Variants in PLEKHG1 observed in about 807,000 individuals in gnomAD.
The protein encoded by PLEKHG1 is pleckstrin homology domain-containing family G member 1.
A neutral mutation model predicts 100.8 loss-of-function variants in PLEKHG1; 44 were observed. That is an observed-to-expected ratio of 0.44 (90% CI 0.34 to 0.56). The LOEUF (loss-of-function observed/expected upper bound fraction) is 0.56. Among genes scored for constraint, PLEKHG1 ranks in the 20% least tolerant of loss-of-function variants. PLEKHG1 has a pLI of 0.01. For missense variants in PLEKHG1, 1,545 were observed against 1,720.9 expected (o/e 0.90, Z 1.81); for synonymous variants, 640 against 662.5 (o/e 0.97, Z 0.52).
At chr6:150,781,388 C>T (rs568784472) in intron 3 of PLEKHG1, among the ~76,000 whole-genome samples, 3 of 151,550 alleles carry the variant, frequency 2.0e-5, no homozygotes, top group African/African-American at 7.2e-5. Flanking sequence ...GCCTGTAATC[C>T]CAGCTACTGG....
chr6:150,711,245 C>G (rs1359258131), intron 3 of PLEKHG1, among the ~76,000 whole-genome samples: 1 of 152,130 alleles, frequency 6.6e-6, no homozygotes, highest in African/African-American at 2.4e-5. Flanking sequence ...TAAGTCCGCT[C>G]TACCCTATGC....
At chr6:150,723,639 G>C (rs1781811368) in intron 1 of PLEKHG1, among the ~76,000 whole-genome samples, 1 of 152,132 alleles carries the variant, frequency 6.6e-6, no homozygotes, top group African/African-American at 2.4e-5. Flanking sequence ...AAAGAGCATT[G>C]AGGTTGGTTT....
At chr6:150,620,712 G>A (rs1023221149) in intron 1 of PLEKHG1, among the ~76,000 whole-genome samples, 3 of 152,168 alleles carry the variant, frequency 2.0e-5, no homozygotes, top group South Asian at 2.1e-4. Context: ...CTCTATACCC[G>A]TTTTGTGCCA....
intron 2 of PLEKHG1, among the ~76,000 whole-genome samples, chr6:150,639,230 A>G (rs556044409): frequency 1.1e-4 from 17 of 152,356 alleles, no homozygotes; most frequent in African/African-American, 2.9e-4. Context: ...TGCCACTAGA[A>G]TAGAGGATGG....
At chr6:150,711,538 C>G (rs535478719) in intron 3 of PLEKHG1, among the ~76,000 whole-genome samples, 2 of 152,262 alleles carry the variant, frequency 1.3e-5, no homozygotes, top group East Asian at 3.9e-4. Context: ...CTAACAGTAT[C>G]TAAGCAGACA....
chr6:150,690,320 G>C (rs1780305534), intron 3 of PLEKHG1, among the ~76,000 whole-genome samples: 3 of 151,980 alleles, frequency 2.0e-5, no homozygotes, highest in Non-Finnish European at 4.4e-5. Context: ...CACCCAAGCA[G>C]CATACACTGC....
upstream of PLEKHG1, among the ~76,000 whole-genome samples, chr6:150,716,927 C>G (rs1781468171): frequency 6.6e-6 from 1 of 152,198 alleles, no homozygotes; most frequent in African/African-American, 2.4e-5. Context: ...TCCTAGCTCA[C>G]TGCAGTCTCA....
chr6:150,755,462 C>G (rs905803357), intron 2 of PLEKHG1, among the ~76,000 whole-genome samples: 2 of 152,162 alleles, frequency 1.3e-5, no homozygotes, highest in African/African-American at 4.8e-5. Context: ...AGTTCATTTA[C>G]TTTTGAACCC....
At chr6:150,627,164 T>G (rs569790306) in intron 1 of PLEKHG1, among the ~76,000 whole-genome samples, 8 of 152,260 alleles carry the variant, frequency 5.3e-5, no homozygotes, top group Admixed American at 6.5e-5. Context: ...TGTCAAATTC[T>G]GGACAAAATA....
At chr6:150,784,176 A>G (rs1451485062) in intron 3 of PLEKHG1, among the ~76,000 whole-genome samples, 1 of 152,242 alleles carries the variant, frequency 6.6e-6, no homozygotes, top group Non-Finnish European at 1.5e-5. Context: ...TGCTATCCAG[A>G]TCATTTCCCA....
chr6:150,710,345 C>G (rs1416267055), intron 3 of PLEKHG1, among the ~76,000 whole-genome samples: 1 of 152,190 alleles, frequency 6.6e-6, no homozygotes, highest in Non-Finnish European at 1.5e-5. Context: ...GTGACCCCTT[C>G]TTTTAGGGCT....
chr6:150,751,345 G>A (rs919331272), intron 2 of PLEKHG1, among the ~76,000 whole-genome samples: 2 of 151,850 alleles, frequency 1.3e-5, no homozygotes, highest in African/African-American at 4.8e-5. Flanking sequence ...GAGCACACAG[G>A]TCTGGGCTTC....
intron 1 of PLEKHG1, among the ~76,000 whole-genome samples, chr6:150,621,961 T>C (rs116833927): frequency 0.013 from 1,985 of 152,304 alleles, 43 homozygotes; most frequent in African/African-American, 0.041. Context: ...TGAGTTGCAG[T>C]TAACCTTGAG....
At chr6:150,840,455 T>C (rs376930502) in exon 16 of PLEKHG1, 330 of 1,614,042 alleles carry the variant, frequency 2.0e-4, no homozygotes, top group Non-Finnish European at 2.7e-4. Flanking sequence ...AACTCTCAGA[T>C]CTCACACTCC....
intron 2 of PLEKHG1, among the ~76,000 whole-genome samples, chr6:150,641,405 T>G (rs1778252979): frequency 6.6e-6 from 1 of 152,176 alleles, no homozygotes; most frequent in South Asian, 2.1e-4. Flanking sequence ...TTGAACCATT[T>G]TAAGATCAGC....
intron 10 of PLEKHG1, among the ~76,000 whole-genome samples, chr6:150,809,962 A>G (rs569109889): frequency 1.2e-4 from 19 of 152,036 alleles, no homozygotes; most frequent in South Asian, 4.1e-4. Context: ...TTAATTACTA[A>G]TGAAGCCCAG....
At chr6:150,836,848 C>T (rs536718703) in intron 15 of PLEKHG1, among the ~76,000 whole-genome samples, 1 of 149,948 alleles carries the variant, frequency 6.7e-6, no homozygotes, top group African/African-American at 2.4e-5. Flanking sequence ...AAAAGAAAAG[C>T]TCAGGGACTA....
chr6:150,744,972 A>G (rs941434274), intron 2 of PLEKHG1, among the ~76,000 whole-genome samples: 2 of 152,244 alleles, frequency 1.3e-5, no homozygotes, highest in Non-Finnish European at 2.9e-5. Flanking sequence ...AGGAGAGTAT[A>G]GATGATAGAG....
upstream of PLEKHG1, among the ~76,000 whole-genome samples, chr6:150,720,621 C>G (rs1292957033): frequency 2.6e-5 from 4 of 152,102 alleles, no homozygotes; most frequent in East Asian, 7.7e-4. Flanking sequence ...ACCCCACCCC[C>G]ACCCCAACCT....
Sources: gnomAD v4.1 joint callset for allele counts (sites outside exome capture counted in the v4.1 genomes callset) on GRCh38, gnomAD v4.1.1 for gene constraint, MANE v1.5 for transcripts, NCBI Gene and HGNC (gene_info 2026-07-23, HGNC 2026-07-21) for gene names.